The following HCN1 variants were observed in gnomAD, a reference collection of about 807,000 sequenced individuals.
HCN1 encodes potassium/sodium hyperpolarization-activated cyclic nucleotide-gated channel 1.
HCN1 carries 13 observed loss-of-function variants against 78.9 expected under a neutral mutation model. The ratio of observed to expected loss-of-function variants is 0.16; its 90% CI spans 0.11 to 0.26. HCN1 has a LOEUF of 0.26. Ranked by LOEUF, HCN1 falls within the 10% of genes least tolerant of loss-of-function variation. The pLI, the probability that HCN1 is intolerant of heterozygous loss-of-function variation, is 1.00. For missense variants in HCN1, 810 were observed against 1,154.3 expected (o/e 0.70, Z 4.32); for synonymous variants, 552 against 455.5 (o/e 1.21, Z -2.70).
At chr5:45,335,282 A>T (rs1481288246) in intron 5 of HCN1, among the ~76,000 whole-genome samples, 1 of 152,080 alleles carries the variant, frequency 6.6e-6, no homozygotes, top group Non-Finnish European at 1.5e-5. Context: ...CTTTGTACAC[A>T]TTCCAACAGG....
chr5:45,472,718 T>A (rs1264155671), intron 2 of HCN1, among the ~76,000 whole-genome samples: 1 of 151,972 alleles, frequency 6.6e-6, no homozygotes, highest in Non-Finnish European at 1.5e-5. Context: ...ATACTCTTTG[T>A]GACTATAGAA....
rs569496032 is a variant in HCN1 at position 45,582,948 on chromosome 5, C to T, written c.849+62237G>A. Among the ~76,000 whole-genome samples the T allele has an allele frequency of 9.3e-5, 14 of 150,648 alleles. No homozygotes were observed. The South Asian group carries it at 1.9e-3, about 20-fold the overall frequency. On this transcript the variant is annotated intron_variant, in intron 2 of 7. Coordinates refer to ENST00000303230, the MANE Select transcript of HCN1 (RefSeq NM_021072.4). ...AGTATTTTATTGAGGATTTTGGCTT[C>T]GATGTTCATCAAGGATATTGGTCTA...
At chr5:45,278,845 C>A (rs1341993259) in intron 6 of HCN1, among the ~76,000 whole-genome samples, 1 of 151,888 alleles carries the variant, frequency 6.6e-6, no homozygotes, top group Non-Finnish European at 1.5e-5. Flanking sequence ...AGTCCTATAA[C>A]CAAATCCAAC....
At chr5:45,359,608 C>T (rs921769460) in intron 4 of HCN1, among the ~76,000 whole-genome samples, 12 of 151,700 alleles carry the variant, frequency 7.9e-5, no homozygotes, top group African/African-American at 2.9e-4. Context: ...AGTGATGGAA[C>T]TAATTTCCAT....
chr5:45,351,859 T>G (rs1410403779), intron 5 of HCN1, among the ~76,000 whole-genome samples: 1 of 151,888 alleles, frequency 6.6e-6, no homozygotes, highest in Admixed American at 6.6e-5. Flanking sequence ...ATGGCGATCA[T>G]TAAAAAGTCA....
chr5:45,287,575 T>C (rs1281716310), intron 6 of HCN1, among the ~76,000 whole-genome samples: 1 of 152,068 alleles, frequency 6.6e-6, no homozygotes, highest in African/African-American at 2.4e-5. Context: ...TCCTAGAGTA[T>C]GATTTCTTAT....
intron 2 of HCN1, among the ~76,000 whole-genome samples, chr5:45,635,313 G>T (rs1466852308): frequency 6.6e-6 from 1 of 151,880 alleles, no homozygotes; most frequent in Non-Finnish European, 1.5e-5. Context: ...TCAGAATTCT[G>T]AATTCCCCCA....
In HCN1 at chr5:45,487,575, C is replaced by T. The variant is rs988048993; in HGVS notation, c.850-25568G>A. Among the ~76,000 whole-genome samples the T allele has an allele frequency of 5.9e-5, 9 of 152,116 alleles. No individual in the cohort carries two copies. The East Asian group carries it at 1.7e-3, about 29-fold the overall frequency. ...TTTGCCCCTGTGTGCACTTCACAAA[C>T]ATGAAAATCCACTGTCATAGGGTGA... On this transcript the variant is annotated intron_variant, in intron 2 of 7. Transcript: ENST00000303230.
intron 2 of HCN1, among the ~76,000 whole-genome samples, chr5:45,567,565 A>G (rs1324983119): frequency 9.9e-5 from 2 of 20,190 alleles, no homozygotes. Context: ...GGCTACACAC[A>G]CACACACACA....
intron 2 of HCN1, among the ~76,000 whole-genome samples, chr5:45,555,088 AAAGG>A (rs1334554260): frequency 6.6e-6 from 1 of 151,902 alleles, no homozygotes; most frequent in Non-Finnish European, 1.5e-5. Flanking sequence ...TCCAGATTGG[AAAGG>A]AAGAAGTCAA....
chr5:45,691,981 TAAG>T (rs1342300027), intron 1 of HCN1, among the ~76,000 whole-genome samples: 4 of 152,026 alleles, frequency 2.6e-5, no homozygotes, highest in Non-Finnish European at 5.9e-5. Context: ...TTGAAAAAAA[TAAG>T]AAGTCAAGAT....
At chr5:45,281,579 CTTTTTTTTTT>C (rs751307473) in intron 6 of HCN1, among the ~76,000 whole-genome samples, 1 of 81,664 alleles carries the variant, frequency 1.2e-5, no homozygotes, top group African/African-American at 4.8e-5. Flanking sequence ...CTCTTCTCTT[CTTTTTTTTTT>C]TTTTTTTTTT....
chr5:45,557,860 G>T (rs1743506203), intron 2 of HCN1: 1 of 151,846 alleles, frequency 6.6e-6, no homozygotes, highest in South Asian at 2.1e-4. Context: ...CCCTCTGATT[G>T]GACCTCCCCG....
chr5:45,331,864 T>C (rs769222745), intron 5 of HCN1, among the ~76,000 whole-genome samples: 11 of 151,586 alleles, frequency 7.3e-5, no homozygotes, highest in Admixed American at 2.0e-4. Flanking sequence ...CAGTAATTCA[T>C]TGAGTTGACA....
At chr5:45,417,751 C>CAAAAAAAA (rs1212611466) in intron 3 of HCN1, among the ~76,000 whole-genome samples, 1 of 14,806 alleles carries the variant, frequency 6.8e-5, no homozygotes, top group Admixed American at 6.2e-4. Flanking sequence ...TGTAGAGAGA[C>CAAAAAAAA]AAAAAAAAAA....
intron 4 of HCN1, among the ~76,000 whole-genome samples, chr5:45,383,763 TTTAA>T (rs1421606846): frequency 2.0e-5 from 3 of 152,084 alleles, no homozygotes; most frequent in Non-Finnish European, 4.4e-5. Context: ...AACTATTAAC[TTTAA>T]TTAATCAAAA....
At chr5:45,299,226 T>C (rs535088806) in intron 6 of HCN1, among the ~76,000 whole-genome samples, 12 of 152,132 alleles carry the variant, frequency 7.9e-5, no homozygotes, top group African/African-American at 2.9e-4. Context: ...AAATGCACTT[T>C]ATTAAGTACT....
At chr5:45,593,661 T>TTATTAG (rs1272604542) in intron 2 of HCN1, among the ~76,000 whole-genome samples, 1 of 149,606 alleles carries the variant, frequency 6.7e-6, no homozygotes, top group Non-Finnish European at 1.5e-5. Context: ...ATTATTATTA[T>TTATTAG]TATTATTGAA....
intron 2 of HCN1, among the ~76,000 whole-genome samples, chr5:45,483,068 A>T (rs1741688238): frequency 6.6e-6 from 1 of 152,232 alleles, no homozygotes; most frequent in Non-Finnish European, 1.5e-5. Context: ...AGCAATGAAC[A>T]TACGAGTGCA....
Sources: gnomAD v4.1 joint callset for allele counts (sites outside exome capture counted in the v4.1 genomes callset) on GRCh38, gnomAD v4.1.1 for gene constraint, MANE v1.5 for transcripts, NCBI Gene and HGNC (gene_info 2026-07-23, HGNC 2026-07-21) for gene names.